Variants in ZFP90 observed in about 807,000 individuals in gnomAD.
ZFP90 encodes the protein zinc finger protein 90 homolog.
A neutral mutation model predicts 60.8 loss-of-function variants in ZFP90; 38 were observed. The observed-to-expected ratio is 0.62, with a 90% confidence interval of 0.48 to 0.82. ZFP90 has a LOEUF of 0.82. Among genes scored for constraint, ZFP90 ranks in the 40% least tolerant of loss-of-function variants. ZFP90 has a pLI of 0.00. For missense variants in ZFP90, 711 were observed against 759.1 expected (o/e 0.94, Z 0.74); for synonymous variants, 287 against 264.8 (o/e 1.08, Z -0.82).
Position 68,563,232 on chromosome 16 carries a change from A to G in ZFP90, c.445A>G (p.Ile149Val), listed in dbSNP as rs1032229011. ...GSEASTQKKI[I>V]TPQENFEQNK... The stretch of plus-strand genomic sequence containing the variant: ...AGAGGCATCCACCCAGAAGAAAATA[A>G]TTACACCACAAGAAAATTTTGAGCA... The change falls in exon 5 of 5, where the codon ATT (isoleucine) becomes GTT (valine). Residue 149 changes from isoleucine (I) to valine (V), a missense_variant. Around this residue, in one of 5 missense-constraint regions of ZFP90, gnomAD observed 241 missense variants for 247.6 expected, o/e 0.97. Transcript: ENST00000563169. 2 of 1,613,648 alleles carry G rather than the reference A, an allele frequency of 1.2e-6. No individual in the cohort carries two copies. Among genetic ancestry groups the G allele is most frequent in the East Asian group, 2.2e-5 (1 of 44,886 alleles).
In ZFP90 at chr16:68,564,288, G is replaced by A. The variant is rs757723564; in HGVS notation, c.1501G>A (p.Val501Ile). The A allele has an allele frequency of 4.3e-6, 7 of 1,614,120 alleles. No individual in the cohort carries two copies. In the South Asian group the frequency reaches 6.6e-5, roughly 15 times the overall value. ...HPGEKPYQCN[V>I]CGKAFKRSTS... is the part of the protein sequence containing the mutation. Reference sequence around the variant, plus strand: ...TGGAGAGAAACCCTATCAATGTAATGTATGTGGGAAAGCTTTCAAAAGGAG... The same window carrying A: ...TGGAGAGAAACCCTATCAATGTAATATATGTGGGAAAGCTTTCAAAAGGAG... Residue 501 changes from valine (V) to isoleucine (I), a missense_variant, in exon 5 of 5, where the codon GTA becomes ATA. Val to Ile is a conservative substitution (Grantham distance 29). Transcript: ENST00000563169.
In ZFP90 at chr16:68,563,644, T is replaced by C. The variant is rs1249248884; in HGVS notation, c.857T>C (p.Val286Ala). Residue 286 changes from valine (V) to alanine (A), a missense_variant, in exon 5 of 5, where the codon GTA (valine) becomes GCA (alanine). Physicochemically the swap from Val to Ala is moderately conservative, Grantham distance 64 (BLOSUM62 0). Around this residue, in one of 5 missense-constraint regions of ZFP90, gnomAD observed 146 missense variants for 201.4 expected, o/e 0.73. Transcript: ENST00000563169. ...HTGEKPFECN[V>A]CGKAFRHSSS... Reference sequence around the variant, plus strand: ...GGGGAGAAACCCTTTGAATGCAATGTATGTGGAAAGGCCTTCAGGCATAGC... The same window carrying C: ...GGGGAGAAACCCTTTGAATGCAATGCATGTGGAAAGGCCTTCAGGCATAGC... 1 of 1,613,960 alleles carries C rather than the reference T, an allele frequency of 6.2e-7. No individual in the cohort carries two copies. Among genetic ancestry groups the C allele is most frequent in the Non-Finnish European group, 8.5e-7 (1 of 1,179,990 alleles).
chr16:68,567,076 A>G lies in ZFP90; in HGVS notation c.*2378A>G, dbSNP rs1014018941. ...ATACCCAGCCTTTTAGGGCTACGTG[A>G]AATGCATCCTTGTAACATCATTGTA... is the stretch of plus-strand genomic sequence containing the variant. On this transcript the variant is annotated 3_prime_UTR_variant, in exon 5 of 5. Transcript: ENST00000563169. 74 of 985,454 alleles carry G rather than the reference A, an allele frequency of 7.5e-5. No individual in the cohort carries two copies. In the African/African-American group the frequency reaches 1.1e-3, roughly 15 times the overall value. 61.0% of individuals were successfully genotyped at this position (985,454 alleles called of 1,614,324 possible).
Position 68,566,283 on chromosome 16 carries a change from A to G in ZFP90, c.*1585A>G. 1.0e-6 allele frequency: 1 copy of G among 985,582 alleles called. No homozygotes were observed. The highest frequency in any genetic ancestry group is 1.2e-6 in the Non-Finnish European group (1 of 829,946). The allele number at this position is 985,582 out of a possible 1,614,324, so 61.1% of individuals were successfully genotyped here. ...TGTGTTGACATTGACCATGCAGACC[A>G]ATTTGGGCACAACTGGACATTGATT... On this transcript the variant is annotated 3_prime_UTR_variant, in exon 5 of 5. Transcript: ENST00000563169.
At position 68,534,229 on chromosome 16, in the gene ZFP90, C is replaced by CTTTTTTT. The variant is rs1555496914; in HGVS notation, c.-36+377_-36+378insTTTTTTT. Among the ~76,000 whole-genome samples the CTTTTTTT allele has an allele frequency of 8.1e-3, 1,093 of 134,806 alleles. 54 individuals are homozygous for CTTTTTTT. The highest frequency in any genetic ancestry group is 0.013 in the East Asian group (61 of 4,778). 88.4% of individuals were successfully genotyped at this position (134,806 alleles called of 152,430 possible). ...CATTTTTAACTTAAAGATTTTCTTT[C>CTTTTTTT]TTTCTTTTTTTTTTTTTGAGACAGC... On this transcript the variant is annotated intron_variant, in intron 2 of 3. Coordinates refer to the ZFP90 transcript ENST00000569109.
downstream of ZFP90, among the ~76,000 whole-genome samples, chr16:68,569,330 T>G (rs2091555176): frequency 6.6e-6 from 1 of 151,572 alleles, no homozygotes; most frequent in Admixed American, 6.6e-5. Context: ...AGAGATGGGG[T>G]TTCACCATGT....
chr16:68,539,729 G>C (rs1482341169), intron 1 of ZFP90, 29 bp from the exon 2 acceptor site: 1 of 1,506,664 alleles, frequency 6.6e-7, no homozygotes, highest in Admixed American at 2.0e-5. Flanking sequence ...GTTGCAGCGG[G>C]GTGAGTGGGC....
intron 2 of ZFP90, among the ~76,000 whole-genome samples, chr16:68,540,121 T>C (rs2091014789): frequency 6.6e-6 from 1 of 152,088 alleles, no homozygotes. Flanking sequence ...TTTTTTGAAC[T>C]CTTGTCAATA....
rs2091473212 is a variant in ZFP90, at chr16:68,563,759, C to A, written c.972C>A (p.Ser324=). ...LCGKAFQRSS[S]LVQHQRIHTG... is the part of the protein sequence containing the mutation. ...GGAAAGCCTTCCAGCGCAGCTCCTCCCTTGTTCAACACCAGCGAATTCACA... is the reference window on the plus strand; with the variant it reads ...GGAAAGCCTTCCAGCGCAGCTCCTCACTTGTTCAACACCAGCGAATTCACA... Residue 324 remains serine (S), a synonymous_variant, in exon 5 of 5, where the codon TCC becomes TCA. Coordinates refer to ENST00000563169, the MANE Select transcript of ZFP90 (RefSeq NM_001305203.2). The A allele has an allele frequency of 6.2e-7, 1 of 1,613,924 alleles. No homozygotes were observed. The highest frequency in any genetic ancestry group is 1.1e-5 in the South Asian group (1 of 91,072).
chr16:68,569,197 C>G (rs1398969312), downstream of ZFP90, among the ~76,000 whole-genome samples: 1 of 136,960 alleles, frequency 7.3e-6, no homozygotes, highest in Non-Finnish European at 1.5e-5. Context: ...AGTGCAGTGG[C>G]ATGATCTCAA....
At chr16:68,536,070 A>G (rs934483486), upstream of ZFP90, among the ~76,000 whole-genome samples, 1 of 152,162 alleles carries the variant, frequency 6.6e-6, no homozygotes, top group Non-Finnish European at 1.5e-5. Flanking sequence ...TAAAAGCCCA[A>G]TTATTTTCCA....
Position 68,540,201 on chromosome 16 carries a change from G to C in ZFP90, c.33+376G>C, listed in dbSNP as rs998473504. On this transcript the variant is annotated intron_variant, in intron 2 of 4. Coordinates refer to ENST00000563169, the MANE Select transcript of ZFP90 (RefSeq NM_001305203.2). ...GGAAGTGACTGTCGGCAAGTGTGGAGAGAGGAGCCCCAGCTTCTGACCCAG... is the reference window on the plus strand; with the variant it reads ...GGAAGTGACTGTCGGCAAGTGTGGACAGAGGAGCCCCAGCTTCTGACCCAG... 2.6e-5 allele frequency among the ~76,000 whole-genome samples: 4 copies of C among 152,128 alleles called. No homozygotes were observed. In the East Asian group the frequency reaches 7.7e-4, roughly 29 times the overall value.
chr16:68,554,522 G>A (rs1300423490), intron 2 of ZFP90, among the ~76,000 whole-genome samples: 1 of 152,178 alleles, frequency 6.6e-6, no homozygotes, highest in African/African-American at 2.4e-5. Flanking sequence ...AAGGGGATTG[G>A]GATCAAGAGT....
intron 2 of ZFP90, among the ~76,000 whole-genome samples, chr16:68,550,321 G>T (rs1267926384): frequency 6.6e-6 from 1 of 152,074 alleles, no homozygotes; most frequent in Non-Finnish European, 1.5e-5. Context: ...GTGTAGTGGC[G>T]CAATCTTGGC....
upstream of ZFP90, among the ~76,000 whole-genome samples, chr16:68,535,274 T>C (rs996505279): frequency 9.2e-5 from 14 of 152,222 alleles, no homozygotes; most frequent in African/African-American, 3.4e-4. Context: ...TAATTCCACA[T>C]AGGAACCAGG....
chr16:68,541,681 A>G (rs2091053090), intron 2 of ZFP90, among the ~76,000 whole-genome samples: 1 of 152,136 alleles, frequency 6.6e-6, no homozygotes, highest in African/African-American at 2.4e-5. Context: ...ACCTGCCAAT[A>G]CTAAAACAAG....
chr16:68,534,328 A>G (rs559696083), upstream of ZFP90, among the ~76,000 whole-genome samples: 3 of 148,032 alleles, frequency 2.0e-5, no homozygotes, highest in East Asian at 6.1e-4. Flanking sequence ...TCCTGGGTTC[A>G]AGTGATTCTC....
intron 2 of ZFP90, chr16:68,574,226 G>GAAAA (rs145528585): frequency 6.6e-4 from 36 of 54,582 alleles, no homozygotes; most frequent in South Asian, 4.7e-3. Context: ...TCCTTTTTCT[G>GAAAA]AAAAAAAAAA....
chr16:68,569,009 A>C (rs752598147), downstream of ZFP90, among the ~76,000 whole-genome samples: 1 of 151,762 alleles, frequency 6.6e-6, no homozygotes, highest in Non-Finnish European at 1.5e-5. Flanking sequence ...TTTAACATAC[A>C]GTTTTTAAAT....
Sources: gnomAD v4.1 joint callset for allele counts (sites outside exome capture counted in the v4.1 genomes callset) on GRCh38, gnomAD v4.1.1 for gene constraint, gnomAD v4.1.1 regional missense constraint, MANE v1.5 for transcripts, NCBI Gene and HGNC (gene_info 2026-07-23, HGNC 2026-07-21) for gene names.